Variants in CEP112 observed in about 807,000 individuals in gnomAD.
The protein encoded by CEP112 is centrosomal protein of 112 kDa.
A neutral mutation model predicts 153.0 loss-of-function variants in CEP112; 127 were observed. That is an observed-to-expected ratio of 0.83 (90% CI 0.72 to 0.96). CEP112 has a LOEUF of 0.96. CEP112 is among the 40% of genes least tolerant of loss of function. The pLI is 0.00. For synonymous variants in CEP112, 358 were observed against 374.4 expected (o/e 0.96, Z 0.51); for missense variants, 1,089 against 1,101.2 (o/e 0.99, Z 0.16).
intron 12 of CEP112, among the ~76,000 whole-genome samples, chr17:66,039,434 T>C (rs1462096760): frequency 1.3e-5 from 2 of 152,104 alleles, no homozygotes; most frequent in African/African-American, 4.8e-5. Context: ...TTCACAAACT[T>C]CTTATGAAAA....
chr17:66,032,352 GAAAA>G (rs56144670), intron 12 of CEP112, among the ~76,000 whole-genome samples: 20 of 146,562 alleles, frequency 1.4e-4, no homozygotes, highest in Non-Finnish European at 1.2e-4. Context: ...GAAACCAAGT[GAAAA>G]AAAAAAAAAA....
intron 8 of CEP112, among the ~76,000 whole-genome samples, chr17:66,095,303 T>TACACACACACACAC (rs142218222): frequency 6.6e-6 from 1 of 150,528 alleles, no homozygotes; most frequent in Non-Finnish European, 1.5e-5. Context: ...CACACACACA[T>TACACACACACACAC]ACACACACAC....
At chr17:65,728,572 G>C (rs1398245085) in intron 23 of CEP112, among the ~76,000 whole-genome samples, 2 of 152,134 alleles carry the variant, frequency 1.3e-5, no homozygotes, top group Non-Finnish European at 2.9e-5. Context: ...TGGTACTTGA[G>C]TAAATGTATT....
chr17:66,100,409 G>GAAAAAAAAAAAAAA (rs35510367), intron 6 of CEP112, among the ~76,000 whole-genome samples: 5 of 118,408 alleles, frequency 4.2e-5, no homozygotes, highest in Non-Finnish European at 5.2e-5. Flanking sequence ...TCAAAAAACA[G>GAAAAAAAAAAAAAA]AAAAAAAAAA....
chr17:66,172,512 T>G (rs954348767), intron 4 of CEP112, among the ~76,000 whole-genome samples: 2 of 152,190 alleles, frequency 1.3e-5, no homozygotes, highest in Non-Finnish European at 2.9e-5. Context: ...CCTTTAATAA[T>G]AGGTGACCAA....
intron 8 of CEP112, among the ~76,000 whole-genome samples, chr17:66,081,643 G>A (rs930275615): frequency 6.7e-5 from 10 of 149,334 alleles, no homozygotes; most frequent in East Asian, 3.9e-4. Context: ...AATTCCAAGC[G>A]CAGTGGCTCA....
chr17:66,182,727 C>T (rs2072768857), intron 2 of CEP112, among the ~76,000 whole-genome samples: 2 of 152,146 alleles, frequency 1.3e-5, no homozygotes, highest in African/African-American at 4.8e-5. Context: ...AAGATAGCAA[C>T]AAAACTTTAT....
At chr17:65,750,512 G>C in intron 22 of CEP112, 150 bp downstream of exon 22, 1 of 632,760 alleles carries the variant, frequency 1.6e-6, no homozygotes, top group Middle Eastern at 3.6e-4. Context: ...AAACCATATT[G>C]TTTATTTGTA....
At chr17:66,183,119 T>C in intron 2 of CEP112, 75 bp downstream of exon 2, 3 of 1,003,772 alleles carry the variant, frequency 3.0e-6, no homozygotes, top group Non-Finnish European at 4.3e-6. Context: ...TCCATGTTGA[T>C]AGTTCATTGG....
chr17:66,006,902 A>G (rs1438035694), intron 16 of CEP112, among the ~76,000 whole-genome samples: 1 of 152,208 alleles, frequency 6.6e-6, no homozygotes, highest in Non-Finnish European at 1.5e-5. Context: ...TTTAAGAGAG[A>G]AACGACAAGA....
intron 24 of CEP112, among the ~76,000 whole-genome samples, chr17:65,673,464 T>C (rs9904310): frequency 6.6e-6 from 1 of 151,868 alleles, no homozygotes; most frequent in Non-Finnish European, 1.5e-5. Context: ...TAAGGTTACT[T>C]ATTAGTAACC....
chr17:66,107,528 A>G (rs1319376173), intron 6 of CEP112, among the ~76,000 whole-genome samples: 1 of 152,110 alleles, frequency 6.6e-6, no homozygotes, highest in Non-Finnish European at 1.5e-5. Flanking sequence ...AAATCAACAA[A>G]TTAATTCCAT....
chr17:65,682,457 G>T (rs1451601735), intron 24 of CEP112, among the ~76,000 whole-genome samples: 2 of 152,008 alleles, frequency 1.3e-5, no homozygotes, highest in Admixed American at 1.3e-4. Context: ...CTTCCCTGCT[G>T]GACTAATCTT....
chr17:66,105,110 G>A (rs2068727673), intron 6 of CEP112, among the ~76,000 whole-genome samples: 1 of 152,122 alleles, frequency 6.6e-6, no homozygotes, highest in Admixed American at 6.5e-5. Context: ...AGTGTAATAA[G>A]ATAGAAACAA....
At chr17:66,074,410 G>A (rs1914644) in intron 8 of CEP112, among the ~76,000 whole-genome samples, 55,177 of 151,988 alleles carry the variant, frequency 0.36, 11,090 homozygotes, top group Non-Finnish European at 0.45. Context: ...AATAAGAATA[G>A]GGAAAGATTA....
chr17:65,960,234 T>C (rs934474234), intron 18 of CEP112, among the ~76,000 whole-genome samples: 3 of 152,024 alleles, frequency 2.0e-5, no homozygotes, highest in Non-Finnish European at 4.4e-5. Flanking sequence ...TAAAATAAAT[T>C]TAGTGTTAAA....
At chr17:65,788,034 G>T (rs1423594157) in intron 21 of CEP112, among the ~76,000 whole-genome samples, 1 of 152,168 alleles carries the variant, frequency 6.6e-6, no homozygotes, top group Non-Finnish European at 1.5e-5. Context: ...CCCTAAAAAT[G>T]ATGTTTGCTC....
chr17:66,039,638 A>C (rs550493675), intron 12 of CEP112, among the ~76,000 whole-genome samples: 54 of 152,190 alleles, frequency 3.5e-4, no homozygotes, highest in Non-Finnish European at 7.2e-4. Context: ...TGAAGTTATA[A>C]ATCATAAATC....
chr17:65,696,320 A>G (rs1598336919), intron 23 of CEP112, among the ~76,000 whole-genome samples: 1 of 152,198 alleles, frequency 6.6e-6, no homozygotes, highest in Non-Finnish European at 1.5e-5. Context: ...CCTGCCCTGC[A>G]TGATGGGGCA....
Sources: allele counts gnomAD v4.1 joint callset (sites outside exome capture counted in the v4.1 genomes callset), GRCh38; gene constraint gnomAD v4.1.1; transcripts MANE v1.5; gene names NCBI Gene and HGNC (gene_info 2026-07-23, HGNC 2026-07-21).